The following UBAC1 variants were observed in gnomAD, a reference collection of about 807,000 sequenced individuals.
UBAC1 encodes ubiquitin-associated domain-containing protein 1.
In UBAC1, 27 loss-of-function variants were observed where a neutral mutation model predicts 45.9. That is an observed-to-expected ratio of 0.59 (90% confidence interval 0.43 to 0.81). UBAC1 has a LOEUF of 0.81. Ranked by LOEUF, UBAC1 falls within the 30% of genes least tolerant of loss-of-function variation. The pLI, the probability that UBAC1 is intolerant of heterozygous loss-of-function variation, is 0.00. For synonymous variants in UBAC1, 227 were observed against 215.5 expected, an observed-to-expected ratio of 1.05 and a Z score of -0.47; for missense variants, 529 against 539.2, an observed-to-expected ratio of 0.98 and a Z score of 0.19.
chr9:135,936,187 GA>G (rs768592795), intron 9 of UBAC1, among the ~76,000 whole-genome samples: 3 of 147,134 alleles, frequency 2.0e-5, no homozygotes, highest in Admixed American at 6.8e-5. Flanking sequence ...TTTCTATTAG[GA>G]AAAAAAAAAG....
intron 5 of UBAC1, 69 bp downstream of exon 5, chr9:135,946,200 G>A: frequency 8.3e-7 from 1 of 1,200,774 alleles, no homozygotes; most frequent in Non-Finnish European, 1.2e-6. Flanking sequence ...GTCAGTGCGT[G>A]GAGCTGCAGA....
chr9:135,949,059 C>CA (rs765248761), intron 3 of UBAC1, among the ~76,000 whole-genome samples: 2,130 of 103,064 alleles, frequency 0.021, 27 homozygotes, highest in Non-Finnish European at 0.026. Context: ...GACACCATCT[C>CA]AAAAAAAAAA....
At position 135,945,962 on chromosome 9, in the gene UBAC1, C is replaced by T. The variant is rs1156342189; in HGVS notation, c.580G>A (p.Glu194Lys). ...TCCGTGAGCTGCCGCAGGGCAGCCT[C>T]GTCCACACGCTCATCCTCGTCCTCG... Reference protein sequence around the residue: ...LDEDEDERVDEAALRQLTEMG... With the variant: ...LDEDEDERVDKAALRQLTEMG... Residue 194 changes from glutamate (E) to lysine (K), a missense_variant, in exon 6 of 10, where the codon GAG becomes AAG. By Grantham distance (56) the Glu-to-Lys change is moderately conservative. Transcript: ENST00000371756. The T allele has an allele frequency of 2.5e-6, 4 of 1,613,990 alleles. No individual in the cohort carries two copies. Among genetic ancestry groups the T allele is most frequent in the South Asian group, 2.2e-5 (2 of 91,086 alleles).
At chr9:135,945,866 G>A (rs764449387) in intron 6 of UBAC1, 23 bp downstream of exon 6, 10 of 1,607,086 alleles carry the variant, frequency 6.2e-6, no homozygotes, top group South Asian at 1.1e-5. Flanking sequence ...TCCGGCAAGG[G>A]AAGGAGGTGG....
chr9:135,956,024 C>T (rs139972573), intron 1 of UBAC1, among the ~76,000 whole-genome samples: 3,584 of 152,288 alleles, frequency 0.024, 52 homozygotes, highest in African/African-American at 0.024. Context: ...CCATGCTGCA[C>T]CCCTGGGCGG....
At position 135,939,670 on chromosome 9, in the gene UBAC1, C is replaced by G. The variant is rs201327657; in HGVS notation, c.963+3G>C. The G allele has an allele frequency of 1.3e-4, 215 of 1,612,236 alleles. No homozygotes were observed. The highest frequency in any genetic ancestry group is 1.7e-4 in the Non-Finnish European group (204 of 1,178,938). On this transcript the variant is annotated splice_donor_region_variant and intron_variant, in intron 8 of 9. Transcript: ENST00000371756. ...CACTCACTCACCACAGCCCAACACT[C>G]ACCGCGGCATTCTGCTGGTTGTTGT...
Position 135,946,240 on chromosome 9 carries a change from T to C in UBAC1, c.544+29A>G, listed in dbSNP as rs372826512. The C allele has an allele frequency of 4.0e-6, 6 of 1,517,042 alleles. No homozygotes were observed. The Admixed American group carries it at 5.0e-5, about 13-fold the overall frequency. 94.0% of individuals were successfully genotyped at this position (1,517,042 alleles called of 1,614,324 possible). On this transcript the variant is annotated intron_variant, in intron 5 of 9. Coordinates refer to ENST00000371756, the MANE Select transcript of UBAC1 (RefSeq NM_016172.3). ...CCCCAAGGCCGGCAGTGAACCGCCC[T>C]GGAATGCAGCATCGGGGTTGACTCA...
intron 3 of UBAC1, among the ~76,000 whole-genome samples, chr9:135,952,572 T>C (rs939148237): frequency 6.6e-5 from 10 of 152,232 alleles, no homozygotes; most frequent in African/African-American, 2.4e-4. Flanking sequence ...CACGTGCAAG[T>C]GGACGGTGCA....
At chr9:135,948,617 C>T (rs1269283385) in intron 3 of UBAC1, among the ~76,000 whole-genome samples, 3 of 152,238 alleles carry the variant, frequency 2.0e-5, no homozygotes, top group African/African-American at 7.2e-5. Flanking sequence ...GAGCCCTAGG[C>T]TCATGAGAGG....
chr9:135,949,484 C>T (rs1426730343), intron 3 of UBAC1, among the ~76,000 whole-genome samples: 1 of 152,206 alleles, frequency 6.6e-6, no homozygotes, highest in Non-Finnish European at 1.5e-5. Flanking sequence ...CACTAAAGCA[C>T]ACCAGATGGC....
At chr9:135,957,845 G>A (rs1024528586) in intron 1 of UBAC1, among the ~76,000 whole-genome samples, 5 of 146,452 alleles carry the variant, frequency 3.4e-5, no homozygotes, top group Non-Finnish European at 7.4e-5. Context: ...CGCGATCTCC[G>A]CTTATTGCAA....
chr9:135,957,796 A>G (rs917287920), intron 1 of UBAC1, among the ~76,000 whole-genome samples: 33 of 145,552 alleles, frequency 2.3e-4, no homozygotes, highest in African/African-American at 7.9e-4. Flanking sequence ...TTTTTTAAAG[A>G]CAGGGTCTCA....
chr9:135,946,778 G>A (rs1011182150), intron 4 of UBAC1, among the ~76,000 whole-genome samples: 3 of 152,240 alleles, frequency 2.0e-5, no homozygotes, highest in African/African-American at 7.2e-5. Context: ...GCCACACAGC[G>A]TCTGCGGCGG....
intron 2 of UBAC1, 69 bp downstream of exon 2, chr9:135,955,226 C>A: frequency 1.4e-6 from 2 of 1,419,604 alleles, no homozygotes; most frequent in Non-Finnish European, 1.8e-6. Context: ...GGACCACCCC[C>A]TCCTGGCTCC....
At chr9:135,958,816 G>A (rs1316991297) in intron 1 of UBAC1, among the ~76,000 whole-genome samples, 1 of 152,178 alleles carries the variant, frequency 6.6e-6, no homozygotes, top group Non-Finnish European at 1.5e-5. Flanking sequence ...CCTTTCTGAC[G>A]CTCAGCTCTG....
At chr9:135,953,600 G>T in intron 3 of UBAC1, 80 bp downstream of exon 3, 1 of 1,309,700 alleles carries the variant, frequency 7.6e-7, no homozygotes, top group Non-Finnish European at 1.1e-6. Context: ...TTACAGGCGC[G>T]AGCCACTGTA....
intron 3 of UBAC1, among the ~76,000 whole-genome samples, chr9:135,952,325 T>C (rs1420922940): frequency 1.3e-5 from 2 of 152,276 alleles, no homozygotes; most frequent in Non-Finnish European, 2.9e-5. Flanking sequence ...AACACTCTCC[T>C]TAGCCTTTCA....
Position 135,961,233 on chromosome 9 carries a change from G to A in UBAC1, c.-71C>T. On this transcript the variant is annotated 5_prime_UTR_variant, in exon 1 of 10. Transcript: ENST00000371756. The stretch of plus-strand genomic sequence containing the variant: ...AGGTCACCGGGAAGGCGGGCGGGGA[G>A]GGGGCGGGGCCAGACCGCCCGCGCG... 3.6e-6 allele frequency: 5 copies of A among 1,405,000 alleles called. No individual in the cohort carries two copies. The highest frequency in any genetic ancestry group is 4.6e-6 in the Non-Finnish European group (5 of 1,085,044). 87.0% of individuals were successfully genotyped at this position (1,405,000 alleles called of 1,614,324 possible). A position where few individuals can be genotyped will look rare whatever the true frequency, so the allele number is the denominator to read the frequency against.
intron 9 of UBAC1, among the ~76,000 whole-genome samples, chr9:135,935,191 C>T (rs1259007199): frequency 6.6e-6 from 1 of 152,042 alleles, no homozygotes. Flanking sequence ...GCCACCATGC[C>T]CAACCTGAGG....
Sources: gnomAD v4.1 joint callset for allele counts (sites outside exome capture counted in the v4.1 genomes callset) on GRCh38, gnomAD v4.1.1 for gene constraint, MANE v1.5 for transcripts, NCBI Gene and HGNC (gene_info 2026-07-23, HGNC 2026-07-21) for gene names.